The following MEIS1 variants were observed in gnomAD, a reference collection of about 807,000 sequenced individuals.
The protein encoded by MEIS1 is homeobox protein Meis1.
Under a neutral mutation model 50.8 loss-of-function variants are expected in MEIS1, and 5 were observed. The ratio of observed to expected loss-of-function variants is 0.10; its 90% CI spans 0.05 to 0.21. The LOEUF (loss-of-function observed/expected upper bound fraction) is 0.21. MEIS1 is among the 10% of genes least tolerant of loss of function. The pLI, the probability that MEIS1 is intolerant of heterozygous loss-of-function variation, is 1.00. For synonymous variants in MEIS1, 176 were observed against 179.3 expected, an observed-to-expected ratio of 0.98 and a Z score of 0.15; for missense variants, 318 against 517.3, an observed-to-expected ratio of 0.61 and a Z score of 3.74.
At chr2:66,539,212 TATCATTCCTGTATAAGC>T (rs1383177744) in intron 8 of MEIS1, among the ~76,000 whole-genome samples, 1 of 152,174 alleles carries the variant, frequency 6.6e-6, no homozygotes, top group Non-Finnish European at 1.5e-5. Context: ...TATAAGCTAC[TATCATTCCTGTATAAGC>T]AATGCTACAA....
intron 8 of MEIS1, among the ~76,000 whole-genome samples, chr2:66,514,119 A>G (rs1284114414): frequency 1.3e-5 from 2 of 152,204 alleles, no homozygotes; most frequent in Non-Finnish European, 2.9e-5. Flanking sequence ...ACTAACAGAA[A>G]CAATGAATAG....
At chr2:66,440,410 A>G in intron 3 of MEIS1, 152 bp from the exon 4 acceptor site, 2 of 693,728 alleles carry the variant, frequency 2.9e-6, no homozygotes, top group Non-Finnish European at 5.2e-6. Flanking sequence ...TCTGCGCGGG[A>G]CGAACTCGGT....
rs1674756290 is a variant in MEIS1, at chr2:66,545,058, A to G, written c.889-2885A>G. 2.0e-5 allele frequency among the ~76,000 whole-genome samples: 3 copies of G among 152,214 alleles called. No homozygotes were observed. In the South Asian group the frequency reaches 6.2e-4, roughly 31 times the overall value. ...AAAGTACTCTTGAAAATACAGGAAAATAAATTACTGTGACAATTTTCAGTT... is the reference window on the plus strand; with the variant it reads ...AAAGTACTCTTGAAAATACAGGAAAGTAAATTACTGTGACAATTTTCAGTT... On this transcript the variant is annotated intron_variant, in intron 8 of 12. Transcript: ENST00000272369.
chr2:66,571,299 A>G lies in MEIS1; in HGVS notation c.*91A>G. The G allele has an allele frequency of 6.3e-7, 1 of 1,597,984 alleles. No homozygotes were observed. Among genetic ancestry groups the G allele is most frequent in the African/African-American group, 1.3e-5 (1 of 74,570 alleles). On this transcript the variant is annotated 3_prime_UTR_variant, in exon 13 of 13. Coordinates refer to ENST00000272369, the MANE Select transcript of MEIS1 (RefSeq NM_002398.3). ...AGCCCGGGGTGGTCCAATGGGTGTG[A>G]GTATGGGACAGCCAAGTTATACCCA...
At chr2:66,444,437 T>C (rs1672078019) in intron 6 of MEIS1, among the ~76,000 whole-genome samples, 1 of 152,234 alleles carries the variant, frequency 6.6e-6, no homozygotes, top group Non-Finnish European at 1.5e-5. Context: ...TGATTTTCTC[T>C]GGGCAATCCC....
intron 6 of MEIS1, among the ~76,000 whole-genome samples, chr2:66,462,477 G>A (rs898310796): frequency 2.6e-5 from 4 of 152,136 alleles, no homozygotes; most frequent in African/African-American, 9.7e-5. Context: ...TTTCAAGTGG[G>A]ATTTGTAGCA....
chr2:66,470,624 A>G (rs1193853713), intron 7 of MEIS1, among the ~76,000 whole-genome samples: 2 of 152,232 alleles, frequency 1.3e-5, no homozygotes, highest in East Asian at 3.9e-4. Flanking sequence ...GAACTTGGCC[A>G]TAAGCATTTT....
At chr2:66,480,487 A>G (rs1163654763) in intron 7 of MEIS1, among the ~76,000 whole-genome samples, 2 of 152,238 alleles carry the variant, frequency 1.3e-5, no homozygotes, top group South Asian at 2.1e-4. Context: ...CAATGAAGGT[A>G]CAGGCTGAGA....
intron 9 of MEIS1, among the ~76,000 whole-genome samples, chr2:66,549,429 T>C (rs1674865222): frequency 6.6e-6 from 1 of 152,110 alleles, no homozygotes; most frequent in Non-Finnish European, 1.5e-5. Flanking sequence ...TTCTACCTGC[T>C]ACTGTGTCTT....
intron 7 of MEIS1, among the ~76,000 whole-genome samples, chr2:66,477,388 CTCTT>C (rs1672919305): frequency 6.6e-6 from 1 of 152,140 alleles, no homozygotes; most frequent in African/African-American, 2.4e-5. Flanking sequence ...CACTGGCATG[CTCTT>C]TCTTTGTCTT....
chr2:66,471,657 T>C (rs1672763778), intron 7 of MEIS1, among the ~76,000 whole-genome samples: 4 of 152,244 alleles, frequency 2.6e-5, no homozygotes, highest in Admixed American at 2.6e-4. Context: ...ATAATGATGT[T>C]GTGTCAGTTC....
At chr2:66,520,316 TAA>T (rs5831812) in intron 8 of MEIS1, among the ~76,000 whole-genome samples, 87,926 of 147,506 alleles carry the variant, frequency 0.6, 26,420 homozygotes, top group South Asian at 0.79. Flanking sequence ...CTACTAAAAA[TAA>T]AAAAAAAAAA....
At chr2:66,489,090 T>C (rs1251125238) in intron 7 of MEIS1, among the ~76,000 whole-genome samples, 1 of 152,236 alleles carries the variant, frequency 6.6e-6, no homozygotes, top group Non-Finnish European at 1.5e-5. Context: ...GTTTGTGTTG[T>C]AATCCTTTCA....
chr2:66,458,270 A>G (rs1672440035), intron 6 of MEIS1, among the ~76,000 whole-genome samples: 1 of 152,354 alleles, frequency 6.6e-6, no homozygotes, highest in South Asian at 2.1e-4. Context: ...ATTTATAAAT[A>G]TTAGGCATCG....
Position 66,441,429 on chromosome 2 carries a change from C to A in MEIS1, c.448C>A (p.Gln150Lys). The change falls in exon 5 of 13, where the codon CAA becomes AAA. Residue 150 changes from glutamine to lysine, a missense_variant. Gln to Lys is a moderately conservative substitution (Grantham distance 53). Coordinates refer to ENST00000272369, the MANE Select transcript of MEIS1 (RefSeq NM_002398.3). ...ATCTTTGCAGATGATTCAAGCCATA[C>A]AAGTATTAAGGTTTCATCTATTGGA... Reference protein sequence around the residue: ...ELDNLMIQAIQVLRFHLLELE... With the variant: ...ELDNLMIQAIKVLRFHLLELE... 1 of 1,547,194 alleles carries A rather than the reference C, an allele frequency of 6.5e-7. No individual in the cohort carries two copies. Among genetic ancestry groups the A allele is most frequent in the Non-Finnish European group, 8.7e-7 (1 of 1,149,272 alleles).
chr2:66,562,300 A>G (rs575005219), intron 9 of MEIS1, among the ~76,000 whole-genome samples: 1 of 151,918 alleles, frequency 6.6e-6, no homozygotes, highest in African/African-American at 2.4e-5. Flanking sequence ...GACAAAGGTC[A>G]GTTTCAAAAA....
intron 7 of MEIS1, among the ~76,000 whole-genome samples, chr2:66,507,151 C>T (rs1375462540): frequency 2.0e-5 from 3 of 152,216 alleles, no homozygotes; most frequent in African/African-American, 7.2e-5. Flanking sequence ...ACTATACATT[C>T]ATAAGCATAC....
chr2:66,436,853 G>C (rs1165481771), intron 1 of MEIS1: 1 of 970,320 alleles, frequency 1.0e-6, no homozygotes, highest in Non-Finnish European at 1.2e-6. Flanking sequence ...ACAAAATAAT[G>C]ACAATCAATA....
chr2:66,454,351 G>T (rs182424876), intron 6 of MEIS1, among the ~76,000 whole-genome samples: 1 of 151,958 alleles, frequency 6.6e-6, no homozygotes, highest in East Asian at 1.9e-4. Flanking sequence ...ATTATGAGGG[G>T]TCAATTTTAT....
Sources: allele counts gnomAD v4.1 joint callset (sites outside exome capture counted in the v4.1 genomes callset), GRCh38; gene constraint gnomAD v4.1.1; transcripts MANE v1.5; gene names NCBI Gene and HGNC (gene_info 2026-07-23, HGNC 2026-07-21).